SLC4A4: variants seen among roughly 807,000 people sequenced by gnomAD.
SLC4A4 encodes electrogenic sodium bicarbonate cotransporter 1.
In SLC4A4, 27 loss-of-function variants were observed where a neutral mutation model predicts 111.5. The ratio of observed to expected loss-of-function variants is 0.24; its 90% CI spans 0.18 to 0.33. The LOEUF (loss-of-function observed/expected upper bound fraction) is 0.33. SLC4A4 is among the 10% of genes least tolerant of loss of function. SLC4A4 has a pLI of 1.00. For missense variants in SLC4A4, 909 were observed against 1,315.5 expected (o/e 0.69, Z 4.78); for synonymous variants, 443 against 463.4 (o/e 0.96, Z 0.57).
chr4:71,566,398 A>C (rs1025790998), intron 24 of SLC4A4, among the ~76,000 whole-genome samples: 1 of 151,834 alleles, frequency 6.6e-6, no homozygotes, highest in African/African-American at 2.4e-5. Context: ...TTTTAAAAAA[A>C]TTACTAGCCA....
chr4:71,545,660 A>T (rs1735455716), intron 18 of SLC4A4, among the ~76,000 whole-genome samples: 1 of 151,996 alleles, frequency 6.6e-6, no homozygotes, highest in Non-Finnish European at 1.5e-5. Flanking sequence ...GCCTATTCTG[A>T]TTAAGGGAGT....
intron 1 of SLC4A4, among the ~76,000 whole-genome samples, chr4:71,231,425 GGA>G: frequency 6.6e-6 from 1 of 152,326 alleles, no homozygotes; most frequent in East Asian, 1.9e-4. Flanking sequence ...TCAGTGATTA[GGA>G]CCGGCTGGTG....
chr4:71,371,304 C>T lies in SLC4A4; in HGVS notation c.730+14117C>T, dbSNP rs139924744. On this transcript the variant is annotated intron_variant, in intron 6 of 25. Coordinates refer to ENST00000264485, the MANE Select transcript of SLC4A4 (RefSeq NM_001098484.3). ...TGTTTCCCAGGCTAGAGTGCAGTGG[C>T]TTGATCTCGGCTTACTGCAACCTCT... is the stretch of plus-strand genomic sequence containing the variant. 8.3e-3 allele frequency among the ~76,000 whole-genome samples: 1,123 copies of T among 134,496 alleles called. 16 individuals are homozygous for T. Among genetic ancestry groups the T allele is most frequent in the African/African-American group, 0.028 (989 of 35,890 alleles). The allele number at this position is 134,496 out of a possible 152,430, so 88.2% of individuals were successfully genotyped here. A position where few individuals can be genotyped will look rare whatever the true frequency, so the allele number is the denominator to read the frequency against.
chr4:71,566,921 G>A (rs1011636343), intron 24 of SLC4A4, 83 bp from the exon 25 acceptor site: 31 of 1,033,086 alleles, frequency 3.0e-5, no homozygotes, highest in African/African-American at 6.4e-5. Context: ...AGTTATGGAA[G>A]ATGCATCAAT....
chr4:71,420,038 G>A (rs926543580), intron 7 of SLC4A4, among the ~76,000 whole-genome samples: 3 of 152,086 alleles, frequency 2.0e-5, no homozygotes, highest in Non-Finnish European at 4.4e-5. Flanking sequence ...ATCAAACAAC[G>A]AGCTACCGGA....
intron 14 of SLC4A4, among the ~76,000 whole-genome samples, chr4:71,479,176 A>T (rs1728642919): frequency 6.6e-6 from 1 of 151,792 alleles, no homozygotes; most frequent in Admixed American, 6.6e-5. Flanking sequence ...TTAACAATAT[A>T]TGTGTAAGTA....
intron 3 of SLC4A4, among the ~76,000 whole-genome samples, chr4:71,271,648 T>G (rs1045398322): frequency 6.6e-6 from 1 of 152,098 alleles, no homozygotes; most frequent in Non-Finnish European, 1.5e-5. Context: ...TACAGAGAAG[T>G]GGAGATTTTA....
Position 71,488,927 on chromosome 4 carries a change from T to TGTGTGTGG in SLC4A4, c.1974+1910_1974+1911insTGTGTGGG, listed in dbSNP as rs1473163089. 3.6e-4 allele frequency among the ~76,000 whole-genome samples: 53 copies of TGTGTGTGG among 149,166 alleles called. 1 individual carries two copies. Among genetic ancestry groups the TGTGTGTGG allele is most frequent in the African/African-American group, 1.2e-3 (51 of 41,120 alleles). On this transcript the variant is annotated intron_variant, in intron 15 of 25. Transcript: ENST00000264485. ...GTGTGTGTGTGTGTGTGTGTGTGTG[T>TGTGTGTGG]GGTCATGAAGGCCAACTTTTATTTT...
intron 1 of SLC4A4, among the ~76,000 whole-genome samples, chr4:71,235,430 G>A (rs911748755): frequency 2.0e-5 from 3 of 152,218 alleles, no homozygotes; most frequent in African/African-American, 7.2e-5. Context: ...ATAATTGGAT[G>A]AATAGAATAC....
At position 71,546,014 on chromosome 4, in the gene SLC4A4, G is replaced by A. The variant is rs140940870; in HGVS notation, c.2443-336G>A. Among the ~76,000 whole-genome samples the A allele has an allele frequency of 3.1e-4, 47 of 152,140 alleles. No individual in the cohort carries two copies. The East Asian group carries it at 8.8e-3, about 28-fold the overall frequency. ...ATTGAATGGTCTTAAGTCCTCTATG[G>A]AGTGGGCATATATATCTCCATTGTT... On this transcript the variant is annotated intron_variant, in intron 18 of 25. Transcript: ENST00000264485.
intron 16 of SLC4A4, among the ~76,000 whole-genome samples, chr4:71,504,227 T>C (rs1354784052): frequency 1.3e-5 from 2 of 152,206 alleles, no homozygotes; most frequent in Non-Finnish European, 2.9e-5. Context: ...TTTTCAGTCA[T>C]TATTTTGTTA....
At chr4:71,450,591 G>A in intron 10 of SLC4A4, 48 bp downstream of exon 10, 2 of 1,557,506 alleles carry the variant, frequency 1.3e-6, no homozygotes, top group Non-Finnish European at 1.8e-6. Flanking sequence ...ATGACTCTGA[G>A]AAGGAGGTTG....
intron 3 of SLC4A4, among the ~76,000 whole-genome samples, chr4:71,336,149 A>C (rs553476950): frequency 6.6e-6 from 1 of 152,238 alleles, no homozygotes; most frequent in African/African-American, 2.4e-5. Context: ...AATTGTAAAC[A>C]CTTTGGAATT....
intron 2 of SLC4A4, among the ~76,000 whole-genome samples, chr4:71,119,984 G>T (rs1475932917): frequency 6.6e-6 from 1 of 151,948 alleles, no homozygotes; most frequent in African/African-American, 2.4e-5. Context: ...ATGTCACTTT[G>T]TGTATTTTCC....
intron 7 of SLC4A4, among the ~76,000 whole-genome samples, chr4:71,433,169 C>T (rs1399401812): frequency 6.6e-6 from 1 of 151,774 alleles, no homozygotes; most frequent in East Asian, 1.9e-4. Context: ...ACACAACTTC[C>T]TCCCCCTCAC....
intron 13 of SLC4A4, among the ~76,000 whole-genome samples, chr4:71,469,978 A>G (rs962571435): frequency 3.3e-5 from 5 of 152,024 alleles, no homozygotes; most frequent in African/African-American, 1.2e-4. Context: ...CATTAAATCT[A>G]TAAACAACTA....
At chr4:71,136,703 C>T (rs911832862) in intron 2 of SLC4A4, among the ~76,000 whole-genome samples, 3 of 152,252 alleles carry the variant, frequency 2.0e-5, no homozygotes, top group Admixed American at 2.0e-4. Flanking sequence ...CTCAGTTTCT[C>T]ATTAATATAC....
rs544087305 is a variant in SLC4A4 at position 71,551,577 on chromosome 4, G to T, written c.2695-3563G>T. Among the ~76,000 whole-genome samples, 17 of 151,998 alleles carry T rather than the reference G, an allele frequency of 1.1e-4. No homozygotes were observed. In the South Asian group the frequency reaches 3.5e-3, roughly 31 times the overall value. The stretch of plus-strand genomic sequence containing the variant: ...TATTAATGACTTACCAGGTTACAAA[G>T]TTCGTAAATAATAGAGTCAAAATGT... On this transcript the variant is annotated intron_variant, in intron 20 of 25. Coordinates refer to ENST00000264485, the MANE Select transcript of SLC4A4 (RefSeq NM_001098484.3).
intron 6 of SLC4A4, among the ~76,000 whole-genome samples, chr4:71,361,109 C>T (rs747699383): frequency 3.3e-5 from 5 of 152,044 alleles, no homozygotes; most frequent in Non-Finnish European, 7.4e-5. Flanking sequence ...GTGCACAGGC[C>T]GGTCAGAGTT....
Sources: allele counts gnomAD v4.1 joint callset (sites outside exome capture counted in the v4.1 genomes callset), GRCh38; gene constraint gnomAD v4.1.1; transcripts MANE v1.5; gene names NCBI Gene and HGNC (gene_info 2026-07-23, HGNC 2026-07-21).